NLN: variants seen among roughly 807,000 people sequenced by gnomAD.
NLN encodes neurolysin, also known as neurolysin, mitochondrial.
A neutral mutation model predicts 79.9 loss-of-function variants in NLN; 64 were observed. The observed-to-expected ratio is 0.80, with a 90% CI of 0.65 to 0.99. The LOEUF (loss-of-function observed/expected upper bound fraction) is 0.99. NLN is among the 50% of genes least tolerant of loss of function. The pLI is 0.00. For synonymous variants in NLN, 267 were observed against 296.6 expected (o/e 0.90, Z 1.02); for missense variants, 835 against 858.7 (o/e 0.97, Z 0.34).
intron 3 of NLN, among the ~76,000 whole-genome samples, chr5:65,770,340 C>T (rs964917030): frequency 1.3e-5 from 2 of 152,148 alleles, no homozygotes; most frequent in African/African-American, 4.8e-5. Flanking sequence ...AACAAAGAAA[C>T]ATCCCAGTAG....
chr5:65,729,976 G>T (rs1356934523), intron 1 of NLN, among the ~76,000 whole-genome samples: 1 of 152,236 alleles, frequency 6.6e-6, no homozygotes, highest in Non-Finnish European at 1.5e-5. Flanking sequence ...CTAGCATTGT[G>T]ATCTTAGGCA....
At chr5:65,817,478 C>A (rs1760694682) in intron 12 of NLN, among the ~76,000 whole-genome samples, 1 of 152,108 alleles carries the variant, frequency 6.6e-6, no homozygotes. Flanking sequence ...ATAATGGGGG[C>A]ATTTTAACCA....
intron 9 of NLN, among the ~76,000 whole-genome samples, chr5:65,803,780 G>A (rs1760346111): frequency 6.6e-6 from 1 of 152,174 alleles, no homozygotes; most frequent in African/African-American, 2.4e-5. Flanking sequence ...CCAGGAGGGT[G>A]AGGCTCTTGC....
chr5:65,781,518 T>C (rs1759800720), intron 6 of NLN, 97 bp downstream of exon 6: 1 of 865,014 alleles, frequency 1.2e-6, no homozygotes, highest in Admixed American at 2.1e-5. Context: ...CAGAGACTGA[T>C]ATTCCTGTGT....
At chr5:65,802,005 G>A (rs1373303812) in intron 9 of NLN, among the ~76,000 whole-genome samples, 3 of 152,154 alleles carry the variant, frequency 2.0e-5, no homozygotes, top group Non-Finnish European at 4.4e-5. Flanking sequence ...GTGTGATTTG[G>A]CCTTTATTTG....
At chr5:65,804,782 C>T (rs1011619122) in intron 9 of NLN, among the ~76,000 whole-genome samples, 2 of 152,172 alleles carry the variant, frequency 1.3e-5, no homozygotes, top group Admixed American at 1.3e-4. Flanking sequence ...CTGCCTACCT[C>T]GGCCTTCTGA....
intron 1 of NLN, among the ~76,000 whole-genome samples, chr5:65,730,605 A>G (rs1459305369): frequency 6.7e-6 from 1 of 148,690 alleles, no homozygotes; most frequent in African/African-American, 2.5e-5. Flanking sequence ...TGCTCGGGCT[A>G]GAGTGCAATG....
At chr5:65,792,794 C>A in intron 9 of NLN, 139 bp downstream of exon 9, 1 of 730,382 alleles carries the variant, frequency 1.4e-6, no homozygotes, top group Non-Finnish European at 2.5e-6. Context: ...TCTGCAAAAC[C>A]AAAATTTTCC....
chr5:65,779,282 C>T (rs1372139730), intron 4 of NLN, among the ~76,000 whole-genome samples: 1 of 152,076 alleles, frequency 6.6e-6, no homozygotes, highest in Non-Finnish European at 1.5e-5. Flanking sequence ...ATGCTCCTAG[C>T]CAGGGCCACA....
At position 65,788,502 on chromosome 5, in the gene NLN, G is replaced by C; in HGVS notation, c.1325+18G>C. The C allele has an allele frequency of 6.2e-7, 1 of 1,604,438 alleles. No individual in the cohort carries two copies. Among genetic ancestry groups the C allele is most frequent in the Non-Finnish European group, 8.5e-7 (1 of 1,173,480 alleles). Reference sequence around the variant, plus strand: ...TATCCAAGGTACTGAGGATCACGTTGTTGGAAGGGACCTTAGGGATTCAGC... The same window carrying C: ...TATCCAAGGTACTGAGGATCACGTTCTTGGAAGGGACCTTAGGGATTCAGC... On this transcript the variant is annotated intron_variant, in intron 8 of 12. Coordinates refer to ENST00000380985, the MANE Select transcript of NLN (RefSeq NM_020726.5).
At chr5:65,759,267 A>G (rs1356128556) in intron 2 of NLN, among the ~76,000 whole-genome samples, 1 of 152,182 alleles carries the variant, frequency 6.6e-6, no homozygotes, top group Non-Finnish European at 1.5e-5. Context: ...TATAACCATT[A>G]AAATCATGGA....
chr5:65,788,661 C>T (rs751022432), intron 8 of NLN, among the ~76,000 whole-genome samples, 177 bp downstream of exon 8: 2 of 151,952 alleles, frequency 1.3e-5, no homozygotes, highest in Non-Finnish European at 2.9e-5. Context: ...CATAGTGAGG[C>T]CCTGTCTCTA....
intron 1 of NLN, among the ~76,000 whole-genome samples, chr5:65,751,999 G>C (rs1479652425): frequency 6.6e-6 from 1 of 152,072 alleles, no homozygotes; most frequent in African/African-American, 2.4e-5. Context: ...CAACACTTTG[G>C]GAAGCTGAAG....
chr5:65,784,148 G>A (rs975346608), intron 6 of NLN, among the ~76,000 whole-genome samples: 1 of 152,126 alleles, frequency 6.6e-6, no homozygotes, highest in African/African-American at 2.4e-5. Context: ...CTCAGTGTGT[G>A]ATTTTCCTTA....
chr5:65,798,210 C>A (rs1279039562), intron 9 of NLN, among the ~76,000 whole-genome samples: 2 of 152,182 alleles, frequency 1.3e-5, no homozygotes, highest in African/African-American at 4.8e-5. Flanking sequence ...TCATTTTTAT[C>A]TTCACAGTAC....
intron 12 of NLN, among the ~76,000 whole-genome samples, chr5:65,816,847 T>A (rs2150777317): frequency 6.6e-6 from 1 of 152,180 alleles, no homozygotes; most frequent in East Asian, 1.9e-4. Flanking sequence ...AATGTGTGTG[T>A]GGGTCATTTT....
Position 65,809,644 on chromosome 5 carries a change from A to G in NLN, c.1657A>G (p.Ser553Gly). The change falls in exon 10 of 13, where the codon AGC becomes GGC. Residue 553 changes from serine (S) to glycine (G), a missense_variant. Ser to Gly is a moderately conservative substitution (Grantham distance 56). Coordinates refer to ENST00000380985, the MANE Select transcript of NLN (RefSeq NM_020726.5). ...ATTGTCAAAACATTATAAAGATGGA[A>G]GCCCTATTGCAGACGATCTGCTTGA... ...RRLSKHYKDGSPIADDLLEKL... is the reference protein window; with the variant it reads ...RRLSKHYKDGGPIADDLLEKL... 6.2e-7 allele frequency: 1 copy of G among 1,614,040 alleles called. No individual in the cohort carries two copies. The highest frequency in any genetic ancestry group is 8.5e-7 in the Non-Finnish European group (1 of 1,179,988).
At position 65,762,550 on chromosome 5, in the gene NLN, G is replaced by A. The variant is rs139920345; in HGVS notation, c.302-410G>A. Reference sequence around the variant, plus strand: ...AAAATATAAAAATTAGCTGAGTGTGGTGGTGCATGCCTGTGGTCCCAGATA... The same window carrying A: ...AAAATATAAAAATTAGCTGAGTGTGATGGTGCATGCCTGTGGTCCCAGATA... On this transcript the variant is annotated intron_variant, in intron 2 of 12. Transcript: ENST00000380985. 7.9e-5 allele frequency among the ~76,000 whole-genome samples: 12 copies of A among 152,198 alleles called. No individual in the cohort carries two copies. In the East Asian group the frequency reaches 2.1e-3, roughly 27 times the overall value.
intron 1 of NLN, among the ~76,000 whole-genome samples, chr5:65,723,814 CAAAAAAAA>C: frequency 1.8e-5 from 1 of 55,324 alleles, no homozygotes; most frequent in Non-Finnish European, 3.6e-5. Context: ...GACTCCGTCT[CAAAAAAAA>C]AAAAAAAAAA....
Sources: allele counts gnomAD v4.1 joint callset (sites outside exome capture counted in the v4.1 genomes callset), GRCh38; gene constraint gnomAD v4.1.1; transcripts MANE v1.5; gene names NCBI Gene and HGNC (gene_info 2026-07-23, HGNC 2026-07-21).